NEDD4L: variants seen among roughly 807,000 people sequenced by gnomAD.
NEDD4L encodes NEDD4 like E3 ubiquitin protein ligase, also known as E3 ubiquitin-protein ligase NEDD4-like.
A neutral mutation model predicts 148.9 loss-of-function variants in NEDD4L; 54 were observed. The observed-to-expected ratio is 0.36, with a 90% confidence interval of 0.29 to 0.45. NEDD4L has a LOEUF of 0.45. Among genes scored for constraint, NEDD4L ranks in the 20% least tolerant of loss-of-function variants. The probability of loss-of-function intolerance (pLI) is 1.00; values close to 1 mark genes in which losing one functional copy is unlikely to be tolerated. For synonymous variants in NEDD4L, 433 were observed against 440.7 expected (o/e 0.98, Z 0.22); for missense variants, 856 against 1,233.8 (o/e 0.69, Z 4.59).
At chr18:58,064,386 A>G (rs1568163868) in intron 1 of NEDD4L, among the ~76,000 whole-genome samples, 1 of 152,144 alleles carries the variant, frequency 6.6e-6, no homozygotes, top group African/African-American at 2.4e-5. Flanking sequence ...CTAATTCTCA[A>G]ATGAATACCA....
At chr18:58,342,433 TGATAAGTGG>T (rs894308844) in intron 15 of NEDD4L, among the ~76,000 whole-genome samples, 5 of 152,304 alleles carry the variant, frequency 3.3e-5, no homozygotes, top group African/African-American at 1.2e-4. Flanking sequence ...GTCCAGATGC[TGATAAGTGG>T]GAATGGATGC....
intron 1 of NEDD4L, among the ~76,000 whole-genome samples, chr18:58,098,753 AG>A (rs2145446382): frequency 6.6e-6 from 1 of 152,290 alleles, no homozygotes; most frequent in East Asian, 1.9e-4. Flanking sequence ...ATTCCCTAAG[AG>A]GCACAGAGGG....
rs115129031 is a variant in NEDD4L at position 58,162,441 on chromosome 18, A to G, written c.49-3347A>G. On this transcript the variant is annotated intron_variant, in intron 1 of 30. Transcript: ENST00000400345. ...CCTTCTTCCTTCAGGCTTCAGCTCCAGTGTCTTTTCGCCAAAGAAGCCTTT... is the reference window on the plus strand; with the variant it reads ...CCTTCTTCCTTCAGGCTTCAGCTCCGGTGTCTTTTCGCCAAAGAAGCCTTT... Among the ~76,000 whole-genome samples, 890 of 152,050 alleles carry G rather than the reference A, an allele frequency of 5.9e-3. 13 individuals carry two copies. The highest frequency in any genetic ancestry group is 0.02 in the African/African-American group (839 of 41,442).
intron 23 of NEDD4L, chr18:58,372,298 T>G (rs1399221892): frequency 7.0e-6 from 1 of 142,836 alleles, no homozygotes; most frequent in Non-Finnish European, 1.5e-5. Context: ...TTTTTTTTTG[T>G]AGTCATGGCG....
intron 1 of NEDD4L, among the ~76,000 whole-genome samples, chr18:58,143,907 T>C (rs1474969096): frequency 6.6e-6 from 1 of 152,190 alleles, no homozygotes; most frequent in Non-Finnish European, 1.5e-5. Context: ...ATTTTCCCTG[T>C]GGCCTGATAT....
At chr18:58,151,289 T>A (rs1266751155) in intron 1 of NEDD4L, among the ~76,000 whole-genome samples, 2 of 152,240 alleles carry the variant, frequency 1.3e-5, no homozygotes, top group Non-Finnish European at 2.9e-5. Flanking sequence ...TCCAAGGGGC[T>A]GGTCGGCCTT....
At chr18:58,120,209 A>G (rs1258871618) in intron 1 of NEDD4L, among the ~76,000 whole-genome samples, 1 of 152,118 alleles carries the variant, frequency 6.6e-6, no homozygotes, top group South Asian at 2.1e-4. Flanking sequence ...GCCAGACAGC[A>G]AGGATGGAGA....
At chr18:58,390,000 A>G (rs1166590343) in intron 28 of NEDD4L, 2 of 152,080 alleles carry the variant, frequency 1.3e-5, no homozygotes, top group African/African-American at 4.8e-5. Context: ...TTTTATTACT[A>G]TTTCAAATGC....
chr18:58,305,845 T>C (rs1171631558), intron 5 of NEDD4L, among the ~76,000 whole-genome samples: 1 of 151,662 alleles, frequency 6.6e-6, no homozygotes, highest in African/African-American at 2.4e-5. Flanking sequence ...AAAATTGTTG[T>C]GTCGGGTGGG....
chr18:58,166,647 C>A (rs561804869), intron 2 of NEDD4L, among the ~76,000 whole-genome samples: 1 of 152,336 alleles, frequency 6.6e-6, no homozygotes, highest in Admixed American at 6.5e-5. Context: ...GTGCAGGTCA[C>A]GTGGGCCAGT....
At chr18:58,186,014 T>C (rs1244677462) in intron 2 of NEDD4L, among the ~76,000 whole-genome samples, 2 of 151,984 alleles carry the variant, frequency 1.3e-5, no homozygotes, top group Non-Finnish European at 2.9e-5. Flanking sequence ...AACAGATACA[T>C]ATGCACACGC....
At chr18:58,139,497 CTG>C (rs1199189100) in intron 1 of NEDD4L, among the ~76,000 whole-genome samples, 1 of 152,046 alleles carries the variant, frequency 6.6e-6, no homozygotes, top group Admixed American at 6.6e-5. Flanking sequence ...TCTATCAACT[CTG>C]TAATCAGAAA....
chr18:58,110,113 A>T (rs988139219), intron 1 of NEDD4L, among the ~76,000 whole-genome samples: 1 of 152,202 alleles, frequency 6.6e-6, no homozygotes. Context: ...GATAGTTGGC[A>T]TCAAGATGGG....
chr18:58,093,249 A>T (rs79238201), intron 1 of NEDD4L, among the ~76,000 whole-genome samples: 1,863 of 152,148 alleles, frequency 0.012, 40 homozygotes, highest in African/African-American at 0.043. Context: ...TGATTTTTAA[A>T]TTTTTTTGAC....
intron 2 of NEDD4L, among the ~76,000 whole-genome samples, chr18:58,205,996 A>G (rs1306915812): frequency 3.9e-5 from 6 of 152,220 alleles, no homozygotes; most frequent in Non-Finnish European, 7.3e-5. Context: ...CACCTTCTGT[A>G]CAATGGCTTC....
At chr18:58,344,516 A>G (rs1392981454) in intron 16 of NEDD4L, among the ~76,000 whole-genome samples, 2 of 152,156 alleles carry the variant, frequency 1.3e-5, no homozygotes, top group African/African-American at 2.4e-5. Context: ...AGCTCTTTCT[A>G]TTTTGAAGTA....
intron 1 of NEDD4L, among the ~76,000 whole-genome samples, chr18:58,145,256 GA>G (rs1417041242): frequency 6.6e-6 from 1 of 152,208 alleles, no homozygotes; most frequent in Non-Finnish European, 1.5e-5. Context: ...CCAAGGGACA[GA>G]CAAGGGAAGG....
At chr18:58,353,737 A>G (rs775124620) in intron 18 of NEDD4L, among the ~76,000 whole-genome samples, 169 of 152,356 alleles carry the variant, frequency 1.1e-3, no homozygotes, top group Non-Finnish European at 1.7e-3. Context: ...CTGTCAGAAG[A>G]AAGCCTCTTT....
intron 2 of NEDD4L, among the ~76,000 whole-genome samples, chr18:58,168,703 C>T (rs922095721): frequency 8.5e-5 from 13 of 152,120 alleles, no homozygotes; most frequent in African/African-American, 2.2e-4. Flanking sequence ...GCAAGAAGGC[C>T]GGGTAGGCAT....
Sources: allele counts gnomAD v4.1 joint callset (sites outside exome capture counted in the v4.1 genomes callset), GRCh38; gene constraint gnomAD v4.1.1; transcripts MANE v1.5; gene names NCBI Gene and HGNC (gene_info 2026-07-23, HGNC 2026-07-21).